DYM: variants seen among roughly 807,000 people sequenced by gnomAD.
DYM encodes dymeclin.
In DYM, 78 loss-of-function variants were observed where a neutral mutation model predicts 93.1. That is an observed-to-expected ratio of 0.84 (90% confidence interval 0.70 to 1.01). The LOEUF is 1.01. DYM is among the 50% of genes least tolerant of loss of function. The pLI, the probability that DYM is intolerant of heterozygous loss-of-function variation, is 0.00. For synonymous variants in DYM, 321 were observed against 319.7 expected (o/e 1.00, Z -0.04); for missense variants, 789 against 845.0 (o/e 0.93, Z 0.82).
rs930487503 is a variant in DYM at position 49,044,028 on chromosome 18, G to A, written c.*27C>T. ...AACTTGAAGGGCTGCTTGGCTGGAG[G>A]GGTCCGGGTGGGAGAGCATCCTGCC... is the stretch of plus-strand genomic sequence containing the variant. On this transcript the variant is annotated 3_prime_UTR_variant, in exon 18 of 18. Coordinates refer to ENST00000675505, the MANE Select transcript of DYM (RefSeq NM_001353214.3). 1.6e-5 allele frequency: 26 copies of A among 1,612,002 alleles called. No homozygotes were observed. The highest frequency in any genetic ancestry group is 2.1e-5 in the Non-Finnish European group (25 of 1,179,744).
intron 6 of DYM, among the ~76,000 whole-genome samples, chr18:49,341,712 T>TA (rs999171470): frequency 3.3e-5 from 5 of 152,088 alleles, no homozygotes; most frequent in African/African-American, 1.2e-4. Flanking sequence ...AAATATAAAT[T>TA]AAAAAATTGA....
intron 9 of DYM, among the ~76,000 whole-genome samples, chr18:49,284,696 T>C (rs961368932): frequency 1.3e-5 from 2 of 152,220 alleles, no homozygotes; most frequent in Non-Finnish European, 2.9e-5. Context: ...AAGCCAGGTA[T>C]GCTTGACTCT....
chr18:49,048,094 C>A (rs2071874832), intron 17 of DYM: 1 of 152,198 alleles, frequency 6.6e-6, no homozygotes, highest in Non-Finnish European at 1.5e-5. Context: ...TTCTGGCCAC[C>A]CTAATGCTTT....
chr18:49,122,765 T>C (rs1427094377), intron 15 of DYM, among the ~76,000 whole-genome samples: 2 of 152,206 alleles, frequency 1.3e-5, no homozygotes, highest in Non-Finnish European at 2.9e-5. Flanking sequence ...CGCTGCTTTA[T>C]ATTCTTCAGC....
chr18:49,044,220 G>A lies in DYM; in HGVS notation c.2026-16C>T, dbSNP rs755126831. On this transcript the variant is annotated splice_polypyrimidine_tract_variant and intron_variant, in intron 17 of 17. Transcript: ENST00000675505. ...CTGGAAATTTCTGCAATGAAAATAA[G>A]ATGATTTTATAATCCCACAGTTCCA... is the stretch of plus-strand genomic sequence containing the variant. The A allele has an allele frequency of 1.2e-6, 2 of 1,613,888 alleles. No individual in the cohort carries two copies. Among genetic ancestry groups the A allele is most frequent in the Non-Finnish European group, 8.5e-7 (1 of 1,179,972 alleles).
rs1259046173 is a variant in DYM at position 49,426,762 on chromosome 18, T to C, written c.140+3493A>G. Among the ~76,000 whole-genome samples, 72 of 22,878 alleles carry C rather than the reference T, an allele frequency of 3.1e-3. No homozygotes were observed. In the South Asian group the frequency reaches 0.1, roughly 33 times the overall value. The allele number at this position is 22,878 out of a possible 152,430, so 15.0% of individuals were successfully genotyped here. A position where few individuals can be genotyped will look rare whatever the true frequency, so the allele number is the denominator to read the frequency against. ...TTAGTCACACTGGAAAACATGTGTG[T>C]GTGTGTGTGTGTGTGTGTGTGTGTG... On this transcript the variant is annotated intron_variant, in intron 2 of 17. Coordinates refer to ENST00000675505, the MANE Select transcript of DYM (RefSeq NM_001353214.3).
chr18:49,382,273 C>T (rs1388614905), intron 3 of DYM, among the ~76,000 whole-genome samples: 1 of 152,110 alleles, frequency 6.6e-6, no homozygotes, highest in Non-Finnish European at 1.5e-5. Flanking sequence ...CATATGTGCC[C>T]ACACTGTTTC....
intron 3 of DYM, among the ~76,000 whole-genome samples, chr18:49,381,792 A>G (rs1815120588): frequency 6.6e-6 from 1 of 152,146 alleles, no homozygotes; most frequent in Admixed American, 6.6e-5. Flanking sequence ...TCAAGAATAG[A>G]TATGTGATCA....
At chr18:49,158,751 C>A (rs975247367) in intron 15 of DYM, among the ~76,000 whole-genome samples, 2 of 151,938 alleles carry the variant, frequency 1.3e-5, no homozygotes, top group African/African-American at 2.4e-5. Context: ...TTACCAGAGG[C>A]TGCGAAGGGT....
intron 6 of DYM, among the ~76,000 whole-genome samples, chr18:49,362,325 C>T (rs182495067): frequency 6.6e-6 from 1 of 152,230 alleles, no homozygotes; most frequent in East Asian, 1.9e-4. Flanking sequence ...TAGTGAGGCC[C>T]TGTCTCTACT....
At chr18:49,172,559 G>A (rs2088887476) in intron 14 of DYM, among the ~76,000 whole-genome samples, 1 of 152,120 alleles carries the variant, frequency 6.6e-6, no homozygotes, top group Admixed American at 6.5e-5. Context: ...CTTTGGTGAA[G>A]TGTCTATTCA....
chr18:49,082,056 G>A (rs189168209), intron 17 of DYM, among the ~76,000 whole-genome samples: 3 of 152,228 alleles, frequency 2.0e-5, no homozygotes, highest in Admixed American at 2.0e-4. Flanking sequence ...CAGGCAGTTT[G>A]GGAATTCCCT....
chr18:49,094,813 A>C (rs574063062), intron 17 of DYM, among the ~76,000 whole-genome samples: 1 of 152,212 alleles, frequency 6.6e-6, no homozygotes, highest in African/African-American at 2.4e-5. Flanking sequence ...TCTACAATGC[A>C]AGGGAAAGTT....
rs115579249 is a variant in DYM, at chr18:49,277,466, C to A, written c.1125+4531G>T. ...GCCAAGGTATATGTTTGTAGATATACGAACTGCACGTTTGGGCCCCCAAAA... is the reference window on the plus strand; with the variant it reads ...GCCAAGGTATATGTTTGTAGATATAAGAACTGCACGTTTGGGCCCCCAAAA... On this transcript the variant is annotated intron_variant, in intron 10 of 17. Transcript: ENST00000675505. 7.9e-3 allele frequency among the ~76,000 whole-genome samples: 1,201 copies of A among 152,188 alleles called. 11 individuals carry two copies. Among genetic ancestry groups the A allele is most frequent in the Middle Eastern group, 0.068 (20 of 294 alleles).
intron 17 of DYM, among the ~76,000 whole-genome samples, chr18:49,058,447 G>A (rs1421518818): frequency 6.6e-6 from 1 of 151,732 alleles, no homozygotes; most frequent in Non-Finnish European, 1.5e-5. Flanking sequence ...AGCTTCCTGA[G>A]TAGCTAGGAC....
chr18:49,077,504 G>T (rs1168680700), intron 17 of DYM, among the ~76,000 whole-genome samples: 1 of 152,222 alleles, frequency 6.6e-6, no homozygotes, highest in Non-Finnish European at 1.5e-5. Context: ...CAATCAAGGT[G>T]AGGTAGTTGA....
intron 2 of DYM, among the ~76,000 whole-genome samples, chr18:49,402,475 T>C (rs981215225): frequency 6.6e-6 from 1 of 152,180 alleles, no homozygotes; most frequent in Non-Finnish European, 1.5e-5. Context: ...CTAGAGTATA[T>C]GATAAAGTCT....
intron 15 of DYM, among the ~76,000 whole-genome samples, chr18:49,151,156 G>C (rs2085773064): frequency 6.6e-6 from 1 of 152,042 alleles, no homozygotes; most frequent in African/African-American, 2.4e-5. Flanking sequence ...AAACAATTTA[G>C]GACTTAACTT....
At chr18:49,070,337 C>T (rs879939386) in intron 17 of DYM, among the ~76,000 whole-genome samples, 4 of 152,158 alleles carry the variant, frequency 2.6e-5, no homozygotes, top group Non-Finnish European at 5.9e-5. Context: ...TGAGTTAGAC[C>T]TGTCCTTGAG....
Sources: allele counts gnomAD v4.1 joint callset (sites outside exome capture counted in the v4.1 genomes callset), GRCh38; gene constraint gnomAD v4.1.1; transcripts MANE v1.5; gene names NCBI Gene and HGNC (gene_info 2026-07-23, HGNC 2026-07-21).